NPNT: variants seen among roughly 807,000 people sequenced by gnomAD.
NPNT encodes preosteoblast EGF-like repeat protein with MAM domain.
NPNT carries 45 observed loss-of-function variants against 68.6 expected under a neutral mutation model. The observed-to-expected ratio is 0.66, with a 90% CI of 0.52 to 0.84. NPNT has a LOEUF of 0.84. Among genes scored for constraint, NPNT ranks in the 40% least tolerant of loss-of-function variants. NPNT has a pLI of 0.00. For synonymous variants in NPNT, 233 were observed against 253.3 expected, an observed-to-expected ratio of 0.92 and a Z score of 0.76; for missense variants, 672 against 714.8, an observed-to-expected ratio of 0.94 and a Z score of 0.68.
At chr4:105,953,669 A>G (rs2149393685) in intron 8 of NPNT, among the ~76,000 whole-genome samples, 1 of 152,318 alleles carries the variant, frequency 6.6e-6, no homozygotes, top group South Asian at 2.1e-4. Context: ...CTACGCTCCA[A>G]TCTGTGTCTC....
At position 105,897,978 on chromosome 4, in the gene NPNT, G is replaced by C; in HGVS notation, c.149G>C (p.Arg50Pro). 6.2e-7 allele frequency: 1 copy of C among 1,611,522 alleles called. No homozygotes were observed. Among genetic ancestry groups the C allele is most frequent in the Non-Finnish European group, 8.5e-7 (1 of 1,178,860 alleles). Reference sequence around the variant, plus strand: ...ATTGACTGCTGCTGGGGCTGGGCTCGCCAGTCTTGGGGACAGTGTCAGCGT... The same window carrying C: ...ATTGACTGCTGCTGGGGCTGGGCTCCCCAGTCTTGGGGACAGTGTCAGCGT... The part of the protein sequence containing the change: ...GRIDCCWGWA[R>P]QSWGQCQPVC... The change falls in exon 2 of 12, where the codon CGC becomes CCC. Residue 50 changes from arginine to proline, a missense_variant. Transcript: ENST00000379987.
At chr4:105,968,856 G>A in intron 11 of NPNT, 39 bp from the exon 12 acceptor site, 1 of 1,192,904 alleles carries the variant, frequency 8.4e-7, no homozygotes, top group Non-Finnish European at 1.2e-6. Context: ...TTAGAAAGGG[G>A]CAGAGGAGGC....
chr4:105,928,472 G>A (rs761655600), intron 3 of NPNT, among the ~76,000 whole-genome samples: 10 of 151,964 alleles, frequency 6.6e-5, no homozygotes, highest in Admixed American at 2.6e-4. Flanking sequence ...AATTAGCTGC[G>A]TGTGGTGGCT....
chr4:105,942,438 A>G lies in NPNT; in HGVS notation c.895A>G (p.Thr299Ala), dbSNP rs748465275. The change falls in exon 8 of 12, where the codon ACA becomes GCA. Residue 299 changes from threonine to alanine, a missense_variant. Coordinates refer to ENST00000379987, the MANE Select transcript of NPNT (RefSeq NM_001033047.3). Reference protein sequence around the residue: ...DVGSTWWPPKTPYIPPIITNR... With the variant: ...DVGSTWWPPKAPYIPPIITNR... ...TGGAAGTACTTGGTGGCCTCCGAAG[A>G]CACCATATATTCCTCCTATCATTAC... 40 of 1,613,804 alleles carry G rather than the reference A, an allele frequency of 2.5e-5. No individual in the cohort carries two copies. The Admixed American group carries it at 5.5e-4, about 22-fold the overall frequency.
Position 105,915,780 on chromosome 4 carries a change from T to G in NPNT, c.173-11556T>G, listed in dbSNP as rs143134393. Among the ~76,000 whole-genome samples, 219 of 152,334 alleles carry G rather than the reference T, an allele frequency of 1.4e-3. 1 individual carries two copies. Among genetic ancestry groups the G allele is most frequent in the African/African-American group, 4.7e-3 (195 of 41,580 alleles). On this transcript the variant is annotated intron_variant, in intron 2 of 11. Coordinates refer to ENST00000379987, the MANE Select transcript of NPNT (RefSeq NM_001033047.3). The stretch of plus-strand genomic sequence containing the variant: ...TAGAGAAACTTGATATGTGCTTGGA[T>G]TGCAGGGTGAGATCTGAACAGAACA...
At chr4:105,917,512 T>C (rs1463512962) in intron 2 of NPNT, among the ~76,000 whole-genome samples, 2 of 152,168 alleles carry the variant, frequency 1.3e-5, no homozygotes, top group African/African-American at 4.8e-5. Context: ...GCTCAAAGTC[T>C]AGTGAAGGAG....
At chr4:105,908,110 C>T (rs1727066113) in intron 2 of NPNT, among the ~76,000 whole-genome samples, 1 of 151,986 alleles carries the variant, frequency 6.6e-6, no homozygotes, top group African/African-American at 2.4e-5. Flanking sequence ...GATTTCTTAG[C>T]TTTAGAATAT....
intron 2 of NPNT, among the ~76,000 whole-genome samples, chr4:105,914,373 CTA>C (rs1241439447): frequency 1.6e-5 from 2 of 121,388 alleles, no homozygotes; most frequent in African/African-American, 6.4e-5. Context: ...CTCTCTCTCT[CTA>C]TATATATAAT....
chr4:105,947,754 T>G (rs1730499823), intron 8 of NPNT, among the ~76,000 whole-genome samples: 1 of 152,220 alleles, frequency 6.6e-6, no homozygotes, highest in Non-Finnish European at 1.5e-5. Flanking sequence ...TGTTGACTGG[T>G]CCTTTGAACA....
intron 10 of NPNT, among the ~76,000 whole-genome samples, chr4:105,964,793 AT>A (rs1270349726): frequency 6.6e-6 from 1 of 152,098 alleles, no homozygotes; most frequent in Non-Finnish European, 1.5e-5. Context: ...ATTTTATGGT[AT>A]TTTTATCTTA....
intron 3 of NPNT, among the ~76,000 whole-genome samples, chr4:105,928,486 G>A (rs181109595): frequency 4.3e-4 from 66 of 151,986 alleles, no homozygotes; most frequent in African/African-American, 1.6e-3. Context: ...GGTGGCTCAT[G>A]CTTGTAATCC....
intron 2 of NPNT, among the ~76,000 whole-genome samples, chr4:105,913,711 G>A (rs921743821): frequency 1.3e-5 from 2 of 152,046 alleles, no homozygotes; most frequent in African/African-American, 4.8e-5. Flanking sequence ...ATCATCTTTT[G>A]GAAATAATCA....
intron 2 of NPNT, among the ~76,000 whole-genome samples, chr4:105,924,456 T>TA (rs1286481785): frequency 6.6e-6 from 1 of 152,222 alleles, no homozygotes; most frequent in Admixed American, 6.6e-5. Flanking sequence ...ATGAGTATCC[T>TA]ACCGCATTTA....
chr4:105,910,822 A>G (rs1194655785), intron 2 of NPNT, among the ~76,000 whole-genome samples: 2 of 152,176 alleles, frequency 1.3e-5, no homozygotes, highest in Non-Finnish European at 2.9e-5. Flanking sequence ...CCCAACCTTA[A>G]GATATTACAA....
intron 2 of NPNT, among the ~76,000 whole-genome samples, chr4:105,905,747 G>T (rs1174778635): frequency 6.6e-6 from 1 of 151,928 alleles, no homozygotes; most frequent in Non-Finnish European, 1.5e-5. Flanking sequence ...CATCACTGTT[G>T]TATACCTTTA....
chr4:105,942,549 A>G lies in NPNT; in HGVS notation c.1006A>G (p.Thr336Ala). The G allele has an allele frequency of 5.0e-6, 8 of 1,613,838 alleles. No individual in the cohort carries two copies. Among genetic ancestry groups the G allele is most frequent in the Non-Finnish European group, 5.9e-6 (7 of 1,179,936 alleles). The change falls in exon 8 of 12, where the codon ACA becomes GCA. Residue 336 changes from threonine (T) to alanine (A), a missense_variant. Coordinates refer to ENST00000379987, the MANE Select transcript of NPNT (RefSeq NM_001033047.3). ...PTPPPPPPLP[T>A]ELRTPLPPTT... ...TCCACCACCACCACCACCCCTGCCA[A>G]CAGAGCTCAGAACACCTCTACCACC...
At chr4:105,901,336 T>C (rs1726400874) in intron 2 of NPNT, among the ~76,000 whole-genome samples, 1 of 152,222 alleles carries the variant, frequency 6.6e-6, no homozygotes, top group Admixed American at 6.5e-5. Flanking sequence ...CAAGCATATT[T>C]CCAAGGTATG....
intron 2 of NPNT, among the ~76,000 whole-genome samples, chr4:105,901,110 A>AT (rs1235655739): frequency 6.6e-6 from 1 of 152,170 alleles, no homozygotes; most frequent in Admixed American, 6.5e-5. Context: ...TTGATGGCAT[A>AT]TTTTAATTAT....
At position 105,914,367 on chromosome 4, in the gene NPNT, C is replaced by A. The variant is rs547616966; in HGVS notation, c.173-12969C>A. On this transcript the variant is annotated intron_variant, in intron 2 of 11. Transcript: ENST00000379987. ...CTCTCTCTCCATTCTCTCTCTCTCT[C>A]TCTCTCTATATATATAATATATAAA... is the stretch of plus-strand genomic sequence containing the variant. Among the ~76,000 whole-genome samples the A allele has an allele frequency of 4.0e-3, 543 of 134,484 alleles. 1 individual carries two copies. The highest frequency in any genetic ancestry group is 0.013 in the African/African-American group (475 of 35,976). 88.2% of individuals were successfully genotyped at this position (134,484 alleles called of 152,430 possible).
Sources: allele counts gnomAD v4.1 joint callset (sites outside exome capture counted in the v4.1 genomes callset), GRCh38; gene constraint gnomAD v4.1.1; transcripts MANE v1.5; gene names NCBI Gene and HGNC (gene_info 2026-07-23, HGNC 2026-07-21).